Variants in PARG observed in about 807,000 individuals in gnomAD.
PARG encodes the protein mitochondrial poly(ADP-ribose) glycohydrolase.
In PARG, 35 loss-of-function variants were observed where a neutral mutation model predicts 113.0. The ratio of observed to expected loss-of-function variants is 0.31; its 90% CI spans 0.24 to 0.41. The LOEUF is 0.41. Among genes scored for constraint, PARG ranks in the 10% least tolerant of loss-of-function variants. The pLI, the probability that PARG is intolerant of heterozygous loss-of-function variation, is 1.00. For missense variants in PARG, 797 were observed against 1,169.4 expected, an observed-to-expected ratio of 0.68 and a Z score of 4.64; for synonymous variants, 330 against 409.9, an observed-to-expected ratio of 0.81 and a Z score of 2.36.
chr10:49,933,188 T>G lies in PARG; in HGVS notation c.1260A>C (p.Ala420=). ...TGAGAGAAAATTACCTTCTGTCCTC[T>G]GCTTTGGGCAGTCTCATGAAATGAT... ...ITDHFMRLPK[A]EDRRKEQWET... Residue 420 remains alanine, a synonymous_variant, in exon 3 of 18, where the codon GCA becomes GCC. Transcript: ENST00000616448. 2 of 1,577,348 alleles carry G rather than the reference T, an allele frequency of 1.3e-6. No individual in the cohort carries two copies. Among genetic ancestry groups the G allele is most frequent in the Non-Finnish European group, 1.7e-6 (2 of 1,156,868 alleles).
At chr10:49,864,191 G>A (rs192863599) in intron 11 of PARG, among the ~76,000 whole-genome samples, 19 of 152,178 alleles carry the variant, frequency 1.2e-4, no homozygotes, top group African/African-American at 4.1e-4. Flanking sequence ...TTTAGCAGGC[G>A]GCCGGGGTTC....
intron 16 of PARG, among the ~76,000 whole-genome samples, chr10:49,822,864 G>A (rs1844172397): frequency 6.6e-6 from 1 of 152,126 alleles, no homozygotes; most frequent in South Asian, 2.1e-4. Flanking sequence ...GGAAACAGCA[G>A]ACAAACTCAA....
At chr10:49,830,375 T>G (rs2132388866) in intron 16 of PARG, among the ~76,000 whole-genome samples, 1 of 152,284 alleles carries the variant, frequency 6.6e-6, no homozygotes, top group South Asian at 2.1e-4. Context: ...CACCATGCAG[T>G]TTTTGTCTTT....
chr10:49,919,752 T>C (rs1837693854), intron 6 of PARG, among the ~76,000 whole-genome samples: 1 of 152,050 alleles, frequency 6.6e-6, no homozygotes, highest in Non-Finnish European at 1.5e-5. Flanking sequence ...TAGCAGAACT[T>C]GAGATTTTTT....
chr10:49,932,296 C>T lies in PARG; in HGVS notation c.1272-13G>A, dbSNP rs1838531661. The T allele has an allele frequency of 6.8e-7, 1 of 1,474,186 alleles. No homozygotes were observed. Among genetic ancestry groups the T allele is most frequent in the South Asian group, 1.1e-5 (1 of 88,234 alleles). The allele number at this position is 1,474,186 out of a possible 1,614,324, so 91.3% of individuals were successfully genotyped here. ...CCACTGTTCTTTTCTAAGGTCAAGA[C>T]AAATGTATTTAGTCACAAATTATTT... On this transcript the variant is annotated splice_polypyrimidine_tract_variant and intron_variant, in intron 3 of 17. Coordinates refer to ENST00000616448, the MANE Select transcript of PARG (RefSeq NM_003631.5).
intron 7 of PARG, among the ~76,000 whole-genome samples, chr10:49,894,152 GC>G (rs1847954978): frequency 6.6e-6 from 1 of 151,126 alleles, no homozygotes; most frequent in Admixed American, 6.6e-5. Context: ...TTCCACCTCA[GC>G]CTCCCAAGGA....
intron 13 of PARG, among the ~76,000 whole-genome samples, chr10:49,848,258 G>A (rs1845602477): frequency 6.7e-6 from 1 of 149,106 alleles, no homozygotes. Flanking sequence ...CTGAGGCAGG[G>A]GACTCACTTG....
intron 16 of PARG, among the ~76,000 whole-genome samples, chr10:49,821,814 G>C (rs182527635): frequency 2.0e-5 from 3 of 152,024 alleles, no homozygotes; most frequent in Admixed American, 6.6e-5. Context: ...ATAAATGAGC[G>C]TAATTTTAGT....
chr10:49,928,499 CA>C (rs1295177748), intron 4 of PARG, among the ~76,000 whole-genome samples: 21 of 152,200 alleles, frequency 1.4e-4, no homozygotes, highest in African/African-American at 3.9e-4. Flanking sequence ...GGAAATCGAC[CA>C]CTAAGTGCAA....
At chr10:49,892,678 T>G (rs1290909398) in intron 7 of PARG, among the ~76,000 whole-genome samples, 2 of 152,262 alleles carry the variant, frequency 1.3e-5, no homozygotes, top group African/African-American at 4.8e-5. Context: ...TATTGGCTTT[T>G]GTCATGTTGT....
intron 7 of PARG, among the ~76,000 whole-genome samples, chr10:49,893,818 C>A (rs377367553): frequency 1.2e-4 from 18 of 152,082 alleles, no homozygotes; most frequent in African/African-American, 4.3e-4. Flanking sequence ...CTCAGGCTCC[C>A]GAGCAGCTGT....
chr10:49,937,568 A>G (rs1350638581), intron 1 of PARG, among the ~76,000 whole-genome samples: 26 of 152,164 alleles, frequency 1.7e-4, no homozygotes, highest in Admixed American at 1.6e-3. Flanking sequence ...TCTTTTTTCC[A>G]TAAATGTAAG....
chr10:49,840,124 C>T (rs539650026), intron 15 of PARG, among the ~76,000 whole-genome samples: 1 of 152,288 alleles, frequency 6.6e-6, no homozygotes, highest in Non-Finnish European at 1.5e-5. Flanking sequence ...CATTGTGGCT[C>T]ATGCCTATAA....
At chr10:49,890,311 G>GTA (rs1847708449) in intron 7 of PARG, among the ~76,000 whole-genome samples, 1 of 152,040 alleles carries the variant, frequency 6.6e-6, no homozygotes, top group Admixed American at 6.6e-5. Context: ...CAAATTGGCT[G>GTA]TATATATATG....
intron 6 of PARG, among the ~76,000 whole-genome samples, chr10:49,919,193 G>A (rs1401691917): frequency 3.3e-5 from 5 of 152,140 alleles, no homozygotes; most frequent in Non-Finnish European, 7.4e-5. Context: ...TGCCTGCCTC[G>A]GCCTCCCAAA....
intron 4 of PARG, among the ~76,000 whole-genome samples, chr10:49,929,304 C>G (rs1462016473): frequency 6.6e-6 from 1 of 150,914 alleles, no homozygotes; most frequent in East Asian, 1.9e-4. Flanking sequence ...AGACTAAGAA[C>G]CTTAATTTTA....
Position 49,910,590 on chromosome 10 carries a change from G to A in PARG, c.1737+5327C>T, listed in dbSNP as rs1837120890. ...GGAAAAACCAATGGAAGGATGAAAC[G>A]AAAGGCTTATACATTTCTATCTTTT... On this transcript the variant is annotated intron_variant, in intron 7 of 17. Coordinates refer to ENST00000616448, the MANE Select transcript of PARG (RefSeq NM_003631.5). Among the ~76,000 whole-genome samples, 15 of 151,978 alleles carry A rather than the reference G, an allele frequency of 9.9e-5. No homozygotes were observed. In the South Asian group the frequency reaches 3.1e-3, roughly 32 times the overall value.
rs1564598461 is a variant in PARG at position 49,832,912 on chromosome 10, C to CA, written c.2542-5dup. ...GACGGAGAAATCCACAGTAAGCCTG[C>CA]AGGATAAAAGAATTATCAAAGCCTG... is the stretch of plus-strand genomic sequence containing the variant. On this transcript the variant is annotated splice_region_variant and splice_polypyrimidine_tract_variant and intron_variant, in intron 15 of 17. Transcript: ENST00000616448. The CA allele has an allele frequency of 3.3e-6, 5 of 1,506,766 alleles. No homozygotes were observed. The highest frequency in any genetic ancestry group is 4.0e-5 in the Admixed American group (2 of 50,472). 93.3% of individuals were successfully genotyped at this position (1,506,766 alleles called of 1,614,324 possible). A position where few individuals can be genotyped will look rare whatever the true frequency, so the allele number is the denominator to read the frequency against.
chr10:49,919,235 C>CTGA (rs1458876716), intron 6 of PARG, among the ~76,000 whole-genome samples: 2 of 152,178 alleles, frequency 1.3e-5, no homozygotes, highest in African/African-American at 4.8e-5. Flanking sequence ...GCCACCACAC[C>CTGA]TGGCCTCACT....
Sources: allele counts gnomAD v4.1 joint callset (sites outside exome capture counted in the v4.1 genomes callset), GRCh38; gene constraint gnomAD v4.1.1; transcripts MANE v1.5; gene names NCBI Gene and HGNC (gene_info 2026-07-23, HGNC 2026-07-21).